VSTM2A: variants seen among roughly 807,000 people sequenced by gnomAD.
VSTM2A encodes V-set and transmembrane domain containing 2A, also known as V-set and transmembrane domain-containing protein 2A.
A neutral mutation model predicts 27.3 loss-of-function variants in VSTM2A; 13 were observed. That is an observed-to-expected ratio of 0.48 (90% CI 0.31 to 0.76). The LOEUF (loss-of-function observed/expected upper bound fraction) is 0.76. Among genes scored for constraint, VSTM2A ranks in the 30% least tolerant of loss-of-function variants. The pLI, the probability that VSTM2A is intolerant of heterozygous loss-of-function variation, is 0.05. For missense variants in VSTM2A, 280 were observed against 310.0 expected (o/e 0.90, Z 0.73); for synonymous variants, 142 against 125.7 (o/e 1.13, Z -0.87).
In VSTM2A at chr7:54,546,158, G is replaced by A. The variant is rs148129535; in HGVS notation, c.247-789G>A. 375 of 151,482 alleles carry A rather than the reference G, an allele frequency of 2.5e-3. 1 individual carries two copies. The highest frequency in any genetic ancestry group is 8.6e-3 in the African/African-American group (350 of 40,834). 9.4% of individuals were successfully genotyped at this position (151,482 alleles called of 1,614,324 possible). Reference sequence around the variant, plus strand: ...GTAGAGAAGAGGCAGGGAGAGGAGAGAAGGAGAGTGGAGAAGGGAAGGAAA... The same window carrying A: ...GTAGAGAAGAGGCAGGGAGAGGAGAAAAGGAGAGTGGAGAAGGGAAGGAAA... On this transcript the variant is annotated intron_variant, in intron 2 of 4. Coordinates refer to ENST00000402613, the MANE Select transcript of VSTM2A (RefSeq NM_001301009.2).
At chr7:54,555,287 C>T (rs764320149) in intron 4 of VSTM2A, among the ~76,000 whole-genome samples, 2 of 152,226 alleles carry the variant, frequency 1.3e-5, no homozygotes, top group Non-Finnish European at 2.9e-5. Context: ...GGACGTATCA[C>T]AACAGAGCAT....
rs1317161311 is a variant in VSTM2A at position 54,570,908 on chromosome 7, T to C, written c.*1689T>C. ...TTTTCAAAGGTAAATGCATTCATTT[T>C]CTTTGATTCAGTTATAAGCAAGTAT... On this transcript the variant is annotated 3_prime_UTR_variant, in exon 5 of 5. Coordinates refer to ENST00000402613, the MANE Select transcript of VSTM2A (RefSeq NM_001301009.2). 1.3e-5 allele frequency: 2 copies of C among 152,214 alleles called. No homozygotes were observed. The highest frequency in any genetic ancestry group is 1.9e-4 in the East Asian group (1 of 5,192). The allele number at this position is 152,214 out of a possible 1,614,324, so 9.4% of individuals were successfully genotyped here. A position where few individuals can be genotyped will look rare whatever the true frequency, so the allele number is the denominator to read the frequency against.
At chr7:54,553,907 A>G (rs754402660) in intron 4 of VSTM2A, 1 of 1,550,788 alleles carries the variant, frequency 6.4e-7, no homozygotes, top group Non-Finnish European at 8.7e-7. Context: ...TCCACAGACC[A>G]CCTCTACTAG....
In VSTM2A at chr7:54,569,685, A is replaced by G. The variant is rs1397434154; in HGVS notation, c.*466A>G. 1 of 157,894 alleles carries G rather than the reference A, an allele frequency of 6.3e-6. No homozygotes were observed. Among genetic ancestry groups the G allele is most frequent in the Non-Finnish European group, 1.4e-5 (1 of 71,598 alleles). 9.8% of individuals were successfully genotyped at this position (157,894 alleles called of 1,614,324 possible). On this transcript the variant is annotated 3_prime_UTR_variant, in exon 5 of 5. Transcript: ENST00000402613. The stretch of plus-strand genomic sequence containing the variant: ...TCTTGGATTTTTCTTCTTTTTCTTG[A>G]TTACAGTTCTTGTTCAATGGTGGCA...
chr7:54,546,835 G>T (rs1051777895), intron 2 of VSTM2A, 112 bp from the exon 3 acceptor site: 1 of 1,455,106 alleles, frequency 6.9e-7, no homozygotes, highest in Non-Finnish European at 9.2e-7. Flanking sequence ...TCGCTCCCCT[G>T]TCCCCAGGTC....
At chr7:54,546,758 G>T in intron 2 of VSTM2A, 189 bp from the exon 3 acceptor site, 3 of 582,736 alleles carry the variant, frequency 5.1e-6, no homozygotes, top group Non-Finnish European at 8.7e-6. Context: ...GGGACAGCGT[G>T]GGGTATGCCA....
In VSTM2A at chr7:54,544,803, CG is replaced by C; in HGVS notation, c.246+16del. On this transcript the variant is annotated intron_variant, in intron 2 of 4. Coordinates refer to ENST00000402613, the MANE Select transcript of VSTM2A (RefSeq NM_001301009.2). ...CCGGCGCGCAGGTAGCGGAGCCCGC[CG>C]ACCCCGCGTCTCCCCTTCGCTCGCC... 2.5e-6 allele frequency: 4 copies of C among 1,585,302 alleles called. No individual in the cohort carries two copies. Among genetic ancestry groups the C allele is most frequent in the Non-Finnish European group, 3.4e-6 (4 of 1,166,078 alleles).
chr7:54,550,146 A>G lies in VSTM2A; in HGVS notation c.610A>G (p.Ile204Val). The change falls in exon 4 of 5, where the codon ATC (isoleucine) becomes GTC (valine). Residue 204 changes from isoleucine to valine, a missense_variant. Physicochemically the swap from Ile to Val is conservative, Grantham distance 29. Transcript: ENST00000402613. Reference protein sequence around the residue: ...STSSPQVVAKIPKQSPQSAKS... With the variant: ...STSSPQVVAKVPKQSPQSAKS... The stretch of plus-strand genomic sequence containing the variant: ...CTCCAGCCCTCAAGTGGTAGCCAAA[A>G]TCCCCAAACAAAGTCCACAATCAGG... The G allele has an allele frequency of 6.2e-7, 1 of 1,601,938 alleles. No homozygotes were observed. The highest frequency in any genetic ancestry group is 1.1e-5 in the South Asian group (1 of 88,620).
intron 4 of VSTM2A, among the ~76,000 whole-genome samples, chr7:54,564,176 GC>G (rs1257492275): frequency 1.3e-5 from 2 of 152,172 alleles, no homozygotes; most frequent in African/African-American, 4.8e-5. Flanking sequence ...TTTGACTGTT[GC>G]TACTTTTACT....
intron 4 of VSTM2A, 125 bp downstream of exon 4, chr7:54,550,295 A>G: frequency 6.7e-7 from 1 of 1,491,080 alleles, no homozygotes; most frequent in South Asian, 1.4e-5. Flanking sequence ...GTTCAGTGCA[A>G]GTGATTATGA....
At position 54,544,581 on chromosome 7, in the gene VSTM2A, G is replaced by A. The variant is rs1393668605; in HGVS notation, c.80-41G>A. The stretch of plus-strand genomic sequence containing the variant: ...CTCAAGGAAAGAGACTCAGGCAAGA[G>A]GGGTGTGGATATTCCAACAGGATGC... On this transcript the variant is annotated intron_variant, in intron 1 of 4. Transcript: ENST00000402613. 3.1e-6 allele frequency: 5 copies of A among 1,611,978 alleles called. No homozygotes were observed. In the Middle Eastern group the frequency reaches 5.0e-4, roughly 160 times the overall value.
rs902156143 is a variant in VSTM2A at position 54,570,935 on chromosome 7, T to C, written c.*1716T>C. On this transcript the variant is annotated 3_prime_UTR_variant, in exon 5 of 5. Transcript: ENST00000402613. ...TTTGATTCAGTTATAAGCAAGTATA[T>C]ATTTTCATAATATTCTTGACATTAC... 1 of 152,192 alleles carries C rather than the reference T, an allele frequency of 6.6e-6. No homozygotes were observed. The highest frequency in any genetic ancestry group is 1.5e-5 in the Non-Finnish European group (1 of 68,014). The allele number at this position is 152,192 out of a possible 1,614,324, so 9.4% of individuals were successfully genotyped here. A position where few individuals can be genotyped will look rare whatever the true frequency, so the allele number is the denominator to read the frequency against.
At chr7:54,564,978 G>C (rs1395683863) in intron 4 of VSTM2A, among the ~76,000 whole-genome samples, 1 of 152,220 alleles carries the variant, frequency 6.6e-6, no homozygotes, top group Non-Finnish European at 1.5e-5. Flanking sequence ...TATCAGTTCA[G>C]AGTTGGGGAA....
Position 54,542,755 on chromosome 7 carries a change from G to A in VSTM2A, c.25G>A (p.Val9Ile), listed in dbSNP as rs1186350082. Residue 9 changes from valine (V) to isoleucine (I), a missense_variant, in exon 1 of 5, where the codon GTT becomes ATT. Val to Ile is a conservative substitution (Grantham distance 29, BLOSUM62 3). Transcript: ENST00000402613. MMGIFLVY[V>I]GFVFFSVLYV... ...AATGATGGGGATCTTTTTGGTGTAT[G>A]TTGGATTTGTTTTCTTTTCCGTTTT... is the stretch of plus-strand genomic sequence containing the variant. The A allele has an allele frequency of 1.2e-6, 2 of 1,613,888 alleles. No individual in the cohort carries two copies. Among genetic ancestry groups the A allele is most frequent in the Non-Finnish European group, 1.7e-6 (2 of 1,179,848 alleles).
At chr7:54,557,270 A>G (rs1489126164) in intron 4 of VSTM2A, 1 of 151,492 alleles carries the variant, frequency 6.6e-6, no homozygotes, top group Non-Finnish European at 1.5e-5. Context: ...GCTGCTTCAC[A>G]TCTCAGCTCC....
Position 54,542,426 on chromosome 7 carries a change from A to T in VSTM2A, c.-305A>T, listed in dbSNP as rs1787811099. On this transcript the variant is annotated 5_prime_UTR_variant, in exon 1 of 5. Coordinates refer to ENST00000402613, the MANE Select transcript of VSTM2A (RefSeq NM_001301009.2). ...GGAGGGCAGTGATCACGCAAGCCGG[A>T]GCGGCGGGCTGACGTTGGACGAGCT... 1 of 451,456 alleles carries T rather than the reference A, an allele frequency of 2.2e-6. No individual in the cohort carries two copies. The highest frequency in any genetic ancestry group is 3.9e-6 in the Non-Finnish European group (1 of 255,230). The allele number at this position is 451,456 out of a possible 1,614,324, so 28.0% of individuals were successfully genotyped here.
At chr7:54,545,498 T>G (rs1444986800) in intron 2 of VSTM2A, among the ~76,000 whole-genome samples, 1,210 of 31,206 alleles carry the variant, frequency 0.039, no homozygotes, top group Middle Eastern at 0.048. Context: ...AGAGAGGGAG[T>G]GAGGAGAGGG....
At chr7:54,559,850 G>A (rs188017354) in intron 4 of VSTM2A, 5 of 152,012 alleles carry the variant, frequency 3.3e-5, no homozygotes, top group East Asian at 1.9e-4. Flanking sequence ...ATGACATCAC[G>A]TGAAAAAACA....
At chr7:54,549,716 A>G (rs965208680) in intron 3 of VSTM2A, 118 bp from the exon 4 acceptor site, 37 of 929,898 alleles carry the variant, frequency 4.0e-5, no homozygotes, top group South Asian at 7.4e-5. Flanking sequence ...CTCCTTCACT[A>G]TGGCTATGGG....
Sources: gnomAD v4.1 joint callset for allele counts (sites outside exome capture counted in the v4.1 genomes callset) on GRCh38, gnomAD v4.1.1 for gene constraint, MANE v1.5 for transcripts, NCBI Gene and HGNC (gene_info 2026-07-23, HGNC 2026-07-21) for gene names.